Variants in PRKN observed in about 807,000 individuals in gnomAD.
PRKN encodes the protein parkin RBR E3 ubiquitin protein ligase, also known as E3 ubiquitin-protein ligase parkin.
PRKN carries 56 observed loss-of-function variants against 59.5 expected under a neutral mutation model. That is an observed-to-expected ratio of 0.94 (90% CI 0.76 to 1.18). PRKN has a LOEUF of 1.18. Ranked by LOEUF, PRKN falls within the 50% of genes most tolerant of loss-of-function variation. PRKN has a pLI of 0.00. For missense variants in PRKN, 657 were observed against 596.4 expected (o/e 1.10, Z -1.06); for synonymous variants, 250 against 222.1 (o/e 1.13, Z -1.12).
chr6:162,045,744 C>CATCAA (rs1374633699), intron 5 of PRKN, among the ~76,000 whole-genome samples: 43 of 152,330 alleles, frequency 2.8e-4, no homozygotes, highest in Non-Finnish European at 5.4e-4. Flanking sequence ...CATCAATCAC[C>CATCAA]TGCTGGAAGG....
chr6:162,656,662 G>A (rs1244254418), intron 1 of PRKN, among the ~76,000 whole-genome samples: 2 of 152,168 alleles, frequency 1.3e-5, no homozygotes, highest in African/African-American at 4.8e-5. Context: ...TCACTGCAAT[G>A]AGAGTATTAG....
chr6:162,081,082 C>T (rs914982085), intron 4 of PRKN, among the ~76,000 whole-genome samples: 1 of 152,078 alleles, frequency 6.6e-6, no homozygotes, highest in African/African-American at 2.4e-5. Context: ...ACTGTTCTTG[C>T]TATTTTCACC....
intron 3 of PRKN, among the ~76,000 whole-genome samples, chr6:162,248,767 C>A (rs1044507509): frequency 6.6e-6 from 1 of 151,980 alleles, no homozygotes; most frequent in African/African-American, 2.4e-5. Context: ...ATTATGGCTA[C>A]TTATTTTGAA....
At chr6:162,216,550 A>C (rs1328961696) in intron 3 of PRKN, among the ~76,000 whole-genome samples, 9 of 150,510 alleles carry the variant, frequency 6.0e-5, no homozygotes, top group African/African-American at 2.2e-4. Context: ...AAAAAAAAAA[A>C]AAAAAAAAAA....
At chr6:162,114,323 G>A (rs964458140) in intron 4 of PRKN, among the ~76,000 whole-genome samples, 13 of 151,502 alleles carry the variant, frequency 8.6e-5, no homozygotes, top group Non-Finnish European at 1.0e-4. Flanking sequence ...CCATTTTCAC[G>A]ATATTGATTC....
At chr6:161,558,244 C>T (rs1453173155) in intron 8 of PRKN, among the ~76,000 whole-genome samples, 1 of 152,030 alleles carries the variant, frequency 6.6e-6, no homozygotes, top group African/African-American at 2.4e-5. Context: ...TACCCAGCTG[C>T]CTCTTTCTCT....
intron 1 of PRKN, among the ~76,000 whole-genome samples, chr6:162,690,169 A>G (rs998387636): frequency 5.3e-5 from 8 of 151,888 alleles, no homozygotes; most frequent in Non-Finnish European, 1.0e-4. Flanking sequence ...ATCAGTAACG[A>G]GTAACCTCGC....
At chr6:162,216,277 T>A (rs865795221) in intron 3 of PRKN, among the ~76,000 whole-genome samples, 38 of 151,974 alleles carry the variant, frequency 2.5e-4, no homozygotes, top group Admixed American at 6.6e-5. Flanking sequence ...ACGCCTGTAA[T>A]CCCAGCACTT....
rs766949960 is a variant in PRKN at position 161,352,755 on chromosome 6, G to GTGTGTGTGTGTGTGTA, written c.1286-2545_1286-2544insTACACACACACACACA. ...TGTGTGTGTGTGTGTGTGTGTGTGTGTATATATATATATATATTTTATTTT... is the reference window on the plus strand; with the variant it reads ...TGTGTGTGTGTGTGTGTGTGTGTGTGTGTGTGTGTGTGTGTATATATATATATATATATTTTATTTT... On this transcript the variant is annotated intron_variant, in intron 11 of 11. Coordinates refer to ENST00000366898, the MANE Select transcript of PRKN (RefSeq NM_004562.3). This position sits in a 1 kb window ranked among gnomAD's most constrained non-coding sequence, Gnocchi z 5.8. Among the ~76,000 whole-genome samples the GTGTGTGTGTGTGTGTA allele has an allele frequency of 0.027, 3,655 of 134,200 alleles. 78 individuals carry two copies. Among genetic ancestry groups the GTGTGTGTGTGTGTGTA allele is most frequent in the Middle Eastern group, 0.067 (17 of 252 alleles). 88.0% of individuals were successfully genotyped at this position (134,200 alleles called of 152,430 possible). A position where few individuals can be genotyped will look rare whatever the true frequency, so the allele number is the denominator to read the frequency against.
At chr6:162,247,338 C>T (rs1779243396) in intron 3 of PRKN, among the ~76,000 whole-genome samples, 1 of 151,942 alleles carries the variant, frequency 6.6e-6, no homozygotes, top group Non-Finnish European at 1.5e-5. Context: ...GGTATTTTTT[C>T]CCTAAAGCAA....
At chr6:161,781,441 A>G (rs1212963252) in intron 7 of PRKN, among the ~76,000 whole-genome samples, 1 of 152,204 alleles carries the variant, frequency 6.6e-6, no homozygotes, top group Non-Finnish European at 1.5e-5. Context: ...AGAGTGCATA[A>G]GATTCTGAGG....
At position 161,484,812 on chromosome 6, in the gene PRKN, G is replaced by A. The variant is rs993284271; in HGVS notation, c.1083+64042C>T. ...CCAAATATCCCCTGGGGACAAAATC[G>A]CTGGCAACTGAGCACCACTGCTCTG... On this transcript the variant is annotated intron_variant, in intron 9 of 11. Coordinates refer to ENST00000366898, the MANE Select transcript of PRKN (RefSeq NM_004562.3). The surrounding 1 kb of genome is among the most constrained non-coding windows in gnomAD (Gnocchi z 4.9). 5.9e-5 allele frequency among the ~76,000 whole-genome samples: 9 copies of A among 152,058 alleles called. No homozygotes were observed. Among genetic ancestry groups the A allele is most frequent in the Admixed American group, 1.3e-4 (2 of 15,276 alleles).
intron 6 of PRKN, among the ~76,000 whole-genome samples, chr6:161,834,995 G>C (rs1792686183): frequency 6.6e-6 from 1 of 151,516 alleles, no homozygotes; most frequent in Non-Finnish European, 1.5e-5. Flanking sequence ...GGCAGAGCTT[G>C]GCCTATACTC....
At chr6:161,777,722 CATATATATCTATATATGT>C (rs962899101) in intron 7 of PRKN, among the ~76,000 whole-genome samples, 2 of 136,858 alleles carry the variant, frequency 1.5e-5, no homozygotes, top group Non-Finnish European at 3.1e-5. Context: ...ATTTTATATA[CATATATATCTATATATGT>C]ATATATAGAT....
chr6:162,436,340 CTTTTT>C (rs201920542), intron 2 of PRKN, among the ~76,000 whole-genome samples: 1 of 144,412 alleles, frequency 6.9e-6, no homozygotes, highest in African/African-American at 2.5e-5. Context: ...CATCTGTTTC[CTTTTT>C]TTTTTTTGAA....
intron 6 of PRKN, among the ~76,000 whole-genome samples, chr6:161,906,737 C>A (rs187552023): frequency 1.2e-3 from 176 of 149,252 alleles, no homozygotes; most frequent in African/African-American, 4.2e-3. Flanking sequence ...AGCAAGGAAG[C>A]CAGTCCTAGT....
At chr6:161,422,059 GT>G (rs1413727348) in intron 9 of PRKN, among the ~76,000 whole-genome samples, 1 of 152,012 alleles carries the variant, frequency 6.6e-6, no homozygotes, top group East Asian at 1.9e-4. Context: ...TATTTTTCAA[GT>G]TTTACTCCAA....
chr6:162,050,483 T>TTC (rs1554264478), intron 5 of PRKN, among the ~76,000 whole-genome samples: 2 of 151,636 alleles, frequency 1.3e-5, no homozygotes, highest in African/African-American at 4.9e-5. Context: ...TCTTTTTTTT[T>TTC]CATCTCTCAA....
intron 1 of PRKN, among the ~76,000 whole-genome samples, chr6:162,660,300 G>A (rs1160635713): frequency 6.6e-6 from 1 of 152,088 alleles, no homozygotes; most frequent in Non-Finnish European, 1.5e-5. Flanking sequence ...GCTGGTTCTT[G>A]CTAAATGATT....
Sources: allele counts gnomAD v4.1 joint callset (sites outside exome capture counted in the v4.1 genomes callset), GRCh38; gene constraint gnomAD v4.1.1; non-coding constraint Gnocchi (gnomAD v3.1); transcripts MANE v1.5; gene names NCBI Gene and HGNC (gene_info 2026-07-23, HGNC 2026-07-21).